Variants in CSMD1 observed in about 807,000 individuals in gnomAD.
The protein encoded by CSMD1 is CUB and Sushi multiple domains 1.
CSMD1 carries 213 observed loss-of-function variants against 417.5 expected under a neutral mutation model. The observed-to-expected ratio is 0.51, with a 90% CI of 0.46 to 0.57. CSMD1 has a LOEUF of 0.57. Among genes scored for constraint, CSMD1 ranks in the 20% least tolerant of loss-of-function variants. CSMD1 has a pLI of 0.00. For missense variants in CSMD1, 6,923 were observed against 4,529.7 expected (o/e 1.53, Z -15.17); for synonymous variants, 2,862 against 1,736.8 (o/e 1.65, Z -16.11).
At chr8:3,995,834 C>A (rs1815171634) in intron 5 of CSMD1, among the ~76,000 whole-genome samples, 1 of 152,152 alleles carries the variant, frequency 6.6e-6, no homozygotes, top group Non-Finnish European at 1.5e-5. Context: ...TAACAGGCAA[C>A]AGAGTTTATT....
At chr8:4,722,413 C>T (rs1809118296) in intron 1 of CSMD1, among the ~76,000 whole-genome samples, 2 of 152,132 alleles carry the variant, frequency 1.3e-5, no homozygotes, top group East Asian at 1.9e-4. Context: ...ATCTCTTGAC[C>T]GAGTGAAAAG....
chr8:4,044,650 G>C (rs1798055715), intron 3 of CSMD1, among the ~76,000 whole-genome samples: 1 of 130,112 alleles, frequency 7.7e-6, no homozygotes, highest in Admixed American at 7.6e-5. Flanking sequence ...CCCTGTACGT[G>C]TACCACCCTG....
intron 2 of CSMD1, among the ~76,000 whole-genome samples, chr8:4,536,346 T>C (rs1797102271): frequency 6.6e-6 from 1 of 152,214 alleles, no homozygotes; most frequent in African/African-American, 2.4e-5. Context: ...TTCCTGTGTG[T>C]AATATTTATT....
chr8:4,035,405 C>A (rs934731917), intron 3 of CSMD1, among the ~76,000 whole-genome samples: 1 of 152,006 alleles, frequency 6.6e-6, no homozygotes, highest in African/African-American at 2.4e-5. Flanking sequence ...AAAAAAATTA[C>A]GATTTTACTG....
intron 1 of CSMD1, among the ~76,000 whole-genome samples, chr8:4,665,424 G>C (rs993554822): frequency 1.3e-5 from 2 of 152,174 alleles, no homozygotes; most frequent in African/African-American, 4.8e-5. Context: ...ATAACCATGA[G>C]TAACCCATAA....
At chr8:3,950,196 C>G (rs891886096) in intron 5 of CSMD1, among the ~76,000 whole-genome samples, 2 of 152,164 alleles carry the variant, frequency 1.3e-5, no homozygotes, top group Admixed American at 6.5e-5. Context: ...AGGCCACGAT[C>G]CAATACTGAC....
rs755263800 is a variant in CSMD1, at chr8:4,433,048, C to G, written c.303-12983G>C. On this transcript the variant is annotated intron_variant, in intron 2 of 69. Transcript: ENST00000635120. ...GTCGTGAACTACGTATATGAGGGAT[C>G]GAGGTTGCACACTCTTTATAACTAT... 1.6e-4 allele frequency among the ~76,000 whole-genome samples: 25 copies of G among 152,198 alleles called. No individual in the cohort carries two copies. In the South Asian group the frequency reaches 1.7e-3, roughly 10 times the overall value.
At chr8:4,541,213 C>G (rs1797368877) in intron 2 of CSMD1, among the ~76,000 whole-genome samples, 2 of 152,152 alleles carry the variant, frequency 1.3e-5, no homozygotes, top group Admixed American at 1.3e-4. Flanking sequence ...GAAGTCCCAT[C>G]TCTGCTTTGC....
intron 3 of CSMD1, among the ~76,000 whole-genome samples, chr8:4,124,461 C>T (rs1046507329): frequency 2.6e-5 from 4 of 152,132 alleles, no homozygotes; most frequent in African/African-American, 9.7e-5. Context: ...TGCAGATGGC[C>T]ACTGTGGACT....
intron 1 of CSMD1, among the ~76,000 whole-genome samples, chr8:4,991,037 G>A (rs2117478561): frequency 6.6e-6 from 1 of 152,220 alleles, no homozygotes; most frequent in South Asian, 2.1e-4. Context: ...AGTGTTGTGT[G>A]TGCTCTCCTT....
In CSMD1 at chr8:4,015,682, A is replaced by AAC. The variant is rs1554516953; in HGVS notation, c.610+16221_610+16222dup. 7.2e-3 allele frequency among the ~76,000 whole-genome samples: 1,094 copies of AAC among 150,972 alleles called. 8 individuals are homozygous for AAC. The highest frequency in any genetic ancestry group is 0.025 in the African/African-American group (1,021 of 40,872). On this transcript the variant is annotated intron_variant, in intron 4 of 69. Transcript: ENST00000635120. Reference sequence around the variant, plus strand: ...ATCTTAAAAAAAAAAAAAAAAAAAAAACTCAAGACAGCTGCTACATCCCAT... The same window carrying AAC: ...ATCTTAAAAAAAAAAAAAAAAAAAAAACACTCAAGACAGCTGCTACATCCCAT...
chr8:4,963,225 G>C (rs1370874936), intron 1 of CSMD1, among the ~76,000 whole-genome samples: 1 of 152,034 alleles, frequency 6.6e-6, no homozygotes, highest in Non-Finnish European at 1.5e-5. Flanking sequence ...ATTTGAGATG[G>C]AGTCTTGCTC....
intron 2 of CSMD1, among the ~76,000 whole-genome samples, chr8:4,565,950 T>C (rs985485802): frequency 2.0e-5 from 3 of 151,920 alleles, no homozygotes; most frequent in African/African-American, 7.3e-5. Flanking sequence ...CCATTTACTA[T>C]TTCCTATTAT....
chr8:3,599,495 G>C (rs896941038), intron 8 of CSMD1, among the ~76,000 whole-genome samples: 1 of 151,662 alleles, frequency 6.6e-6, no homozygotes, highest in Non-Finnish European at 1.5e-5. Context: ...CCAACGCAGA[G>C]TTAGTAACCC....
Position 4,427,439 on chromosome 8 carries a change from C to T in CSMD1, c.303-7374G>A, listed in dbSNP as rs139302671. 2.1e-3 allele frequency among the ~76,000 whole-genome samples: 321 copies of T among 151,808 alleles called. 2 individuals are homozygous for T. Among genetic ancestry groups the T allele is most frequent in the African/African-American group, 7.4e-3 (306 of 41,376 alleles). On this transcript the variant is annotated intron_variant, in intron 2 of 69. Transcript: ENST00000635120. The stretch of plus-strand genomic sequence containing the variant: ...AACTCTCTTGGACTTAGATACCATC[C>T]GGGGAAGATGCAATCAAGCAGGCAA...
rs539439669 is a variant in CSMD1 at position 3,293,608 on chromosome 8, G to A, written c.3951-9262C>T. Among the ~76,000 whole-genome samples, 13 of 152,238 alleles carry A rather than the reference G, an allele frequency of 8.5e-5. No homozygotes were observed. The South Asian group carries it at 2.7e-3, about 32-fold the overall frequency. ...TCCATCACTGATACCTTGTCTTCCT[G>A]TTGATTGTATTGGCTACTGAGGCTT... On this transcript the variant is annotated intron_variant, in intron 25 of 69. Transcript: ENST00000635120.
intron 5 of CSMD1, among the ~76,000 whole-genome samples, chr8:3,936,140 G>C (rs534433472): frequency 6.7e-6 from 1 of 149,374 alleles, no homozygotes; most frequent in South Asian, 2.1e-4. Flanking sequence ...GGAAGCTGCA[G>C]AAGATAAATT....
At chr8:3,310,611 G>T (rs1382293093) in intron 23 of CSMD1, among the ~76,000 whole-genome samples, 1 of 152,128 alleles carries the variant, frequency 6.6e-6, no homozygotes, top group Non-Finnish European at 1.5e-5. Context: ...ACAAAATCGG[G>T]GTGTAAAAAA....
At chr8:4,137,150 G>A (rs927145703) in intron 3 of CSMD1, among the ~76,000 whole-genome samples, 1 of 152,182 alleles carries the variant, frequency 6.6e-6, no homozygotes, top group East Asian at 1.9e-4. Context: ...AACAGATGCT[G>A]TAAATAGGTT....
Sources: gnomAD v4.1 joint callset for allele counts (sites outside exome capture counted in the v4.1 genomes callset) on GRCh38, gnomAD v4.1.1 for gene constraint, MANE v1.5 for transcripts, NCBI Gene and HGNC (gene_info 2026-07-23, HGNC 2026-07-21) for gene names.